Variants in NKAIN3 observed in about 807,000 individuals in gnomAD.
NKAIN3 encodes the protein sodium/potassium-transporting ATPase subunit beta-1-interacting protein 3.
A neutral mutation model predicts 30.2 loss-of-function variants in NKAIN3; 25 were observed. That is an observed-to-expected ratio of 0.83 (90% CI 0.60 to 1.16). The LOEUF (loss-of-function observed/expected upper bound fraction) is 1.16. Among genes scored for constraint, NKAIN3 ranks in the 50% most tolerant of loss-of-function variants. NKAIN3 has a pLI of 0.00. For synonymous variants in NKAIN3, 91 were observed against 89.6 expected, an observed-to-expected ratio of 1.02 and a Z score of -0.09; for missense variants, 225 against 254.1, an observed-to-expected ratio of 0.89 and a Z score of 0.78.
chr8:62,857,864 C>T (rs1820108759), intron 4 of NKAIN3, among the ~76,000 whole-genome samples: 2 of 152,202 alleles, frequency 1.3e-5, no homozygotes, highest in African/African-American at 2.4e-5. Flanking sequence ...AGCCTTAGCC[C>T]TGTTTTAAGC....
At chr8:62,991,889 G>T (rs1824327304) in intron 5 of NKAIN3, among the ~76,000 whole-genome samples, 1 of 152,130 alleles carries the variant, frequency 6.6e-6, no homozygotes, top group Non-Finnish European at 1.5e-5. Flanking sequence ...TGAGTTGCAG[G>T]CATTGGTACA....
intron 4 of NKAIN3, among the ~76,000 whole-genome samples, chr8:62,816,160 C>A (rs1206398441): frequency 1.3e-5 from 2 of 152,168 alleles, no homozygotes; most frequent in Non-Finnish European, 2.9e-5. Context: ...CTTCTTCCAA[C>A]TTTATGGAGT....
chr8:62,425,319 G>C (rs1031795453), intron 1 of NKAIN3, among the ~76,000 whole-genome samples: 1 of 151,746 alleles, frequency 6.6e-6, no homozygotes, highest in Non-Finnish European at 1.5e-5. Flanking sequence ...AGCCTCCCAG[G>C]GAGGGAAAAT....
At chr8:62,794,043 C>A (rs2130678290) in intron 4 of NKAIN3, among the ~76,000 whole-genome samples, 1 of 152,252 alleles carries the variant, frequency 6.6e-6, no homozygotes, top group South Asian at 2.1e-4. Context: ...GCTTTCTGCC[C>A]TTTAAAATAA....
At chr8:62,864,130 A>G (rs1820346528) in intron 4 of NKAIN3, 2 of 619,368 alleles carry the variant, frequency 3.2e-6, no homozygotes, top group Non-Finnish European at 5.7e-6. Flanking sequence ...GGTGATGGCG[A>G]CGCGAGCGCG....
intron 1 of NKAIN3, among the ~76,000 whole-genome samples, chr8:62,363,969 C>T (rs1374097493): frequency 6.6e-6 from 1 of 152,142 alleles, no homozygotes; most frequent in Admixed American, 6.6e-5. Flanking sequence ...ATTTCAAAAA[C>T]GATGTGGAAG....
chr8:62,447,076 C>T (rs190445954), intron 1 of NKAIN3, among the ~76,000 whole-genome samples: 274 of 152,030 alleles, frequency 1.8e-3, no homozygotes, highest in African/African-American at 6.3e-3. Context: ...TGTAAGTATC[C>T]GTTATAGAGT....
At chr8:62,606,550 C>A (rs548971980) in intron 3 of NKAIN3, among the ~76,000 whole-genome samples, 42 of 152,190 alleles carry the variant, frequency 2.8e-4, no homozygotes, top group South Asian at 8.3e-4. Flanking sequence ...CCTTTCAGAA[C>A]AAGCACTATA....
chr8:62,892,997 A>T (rs550865964), intron 4 of NKAIN3, among the ~76,000 whole-genome samples: 2 of 152,182 alleles, frequency 1.3e-5, no homozygotes, highest in African/African-American at 4.8e-5. Flanking sequence ...CAGTATAAAA[A>T]GGTGGTTTAA....
At chr8:62,685,903 C>A (rs1316463579) in intron 3 of NKAIN3, among the ~76,000 whole-genome samples, 1 of 152,122 alleles carries the variant, frequency 6.6e-6, no homozygotes, top group African/African-American at 2.4e-5. Flanking sequence ...TTTCTCTCTC[C>A]AAAGCTTTCC....
At chr8:62,895,416 CCA>C (rs775076411) in intron 4 of NKAIN3, among the ~76,000 whole-genome samples, 11 of 152,300 alleles carry the variant, frequency 7.2e-5, no homozygotes, top group Non-Finnish European at 1.5e-4. Flanking sequence ...CTAAAAGCTT[CCA>C]GAGTCTACTA....
At chr8:62,392,086 C>A (rs1286161071) in intron 1 of NKAIN3, among the ~76,000 whole-genome samples, 1 of 151,824 alleles carries the variant, frequency 6.6e-6, no homozygotes, top group African/African-American at 2.4e-5. Context: ...GTAGAAGAAA[C>A]AAAATTGACA....
chr8:62,560,531 CTTTTTTTTTTT>C (rs869256384), intron 1 of NKAIN3, among the ~76,000 whole-genome samples: 31 of 45,364 alleles, frequency 6.8e-4, no homozygotes, highest in African/African-American at 2.6e-3. Context: ...TTTTTCTTTT[CTTTTTTTTTTT>C]TTTTTTTTTT....
At chr8:62,320,864 G>A (rs57116440) in intron 1 of NKAIN3, among the ~76,000 whole-genome samples, 11,884 of 152,072 alleles carry the variant, frequency 0.078, 1,540 homozygotes, top group African/African-American at 0.27. Flanking sequence ...TGTTTCCTGA[G>A]TTTGAATGTT....
intron 4 of NKAIN3, among the ~76,000 whole-genome samples, chr8:62,805,633 C>T (rs1017076757): frequency 2.2e-4 from 34 of 152,234 alleles, no homozygotes; most frequent in African/African-American, 7.0e-4. Flanking sequence ...CTTCCTTACA[C>T]CTTATACAAA....
At chr8:62,501,638 C>T (rs1807453674) in intron 1 of NKAIN3, among the ~76,000 whole-genome samples, 1 of 152,258 alleles carries the variant, frequency 6.6e-6, no homozygotes, top group South Asian at 2.1e-4. Context: ...GTTGTGTATT[C>T]TGTATGACAT....
downstream of NKAIN3, among the ~76,000 whole-genome samples, chr8:62,988,577 C>T (rs1202973795): frequency 1.3e-5 from 2 of 152,220 alleles, no homozygotes; most frequent in Non-Finnish European, 2.9e-5. Context: ...TGTACCTTGT[C>T]CCCTTTTAGC....
chr8:62,578,307 T>C (rs1810181349), intron 1 of NKAIN3, among the ~76,000 whole-genome samples: 1 of 152,160 alleles, frequency 6.6e-6, no homozygotes, highest in Admixed American at 6.6e-5. Flanking sequence ...TGACACACTT[T>C]ATAATTGTTT....
chr8:62,432,960 C>G (rs1437449079), intron 1 of NKAIN3, among the ~76,000 whole-genome samples: 1 of 152,096 alleles, frequency 6.6e-6, no homozygotes, highest in African/African-American at 2.4e-5. Context: ...GGAAGTGAAT[C>G]TGTGTCATTC....
Sources: gnomAD v4.1 joint callset for allele counts (sites outside exome capture counted in the v4.1 genomes callset) on GRCh38, gnomAD v4.1.1 for gene constraint, MANE v1.5 for transcripts, NCBI Gene and HGNC (gene_info 2026-07-23, HGNC 2026-07-21) for gene names.